The following LMF1 variants were observed in gnomAD, a reference collection of about 807,000 sequenced individuals.
The protein encoded by LMF1 is transmembrane protein 112.
Under a neutral mutation model 60.6 loss-of-function variants are expected in LMF1, and 68 were observed. The observed-to-expected ratio is 1.12, with a 90% confidence interval of 0.92 to 1.37. The LOEUF (loss-of-function observed/expected upper bound fraction) is 1.37, where lower values mean the gene tolerates loss of function less well. LMF1 is among the 40% of genes most tolerant of loss of function. The pLI, the probability that LMF1 is intolerant of heterozygous loss-of-function variation, is 0.00. For synonymous variants in LMF1, 418 were observed against 324.7 expected, an observed-to-expected ratio of 1.29 and a Z score of -3.09; for missense variants, 948 against 767.2, an observed-to-expected ratio of 1.24 and a Z score of -2.78.
chr16:884,331 CA>C (rs1241904283), intron 5 of LMF1, among the ~76,000 whole-genome samples: 2 of 152,070 alleles, frequency 1.3e-5, no homozygotes, highest in African/African-American at 4.8e-5. Context: ...ATCTTACATG[CA>C]AATAAAGATG....
intron 2 of LMF1, among the ~76,000 whole-genome samples, chr16:954,066 C>CCACACCAGCGTCCT: frequency 6.6e-6 from 1 of 151,930 alleles, no homozygotes; most frequent in Non-Finnish European, 1.5e-5. Flanking sequence ...GACACAGACC[C>CCACACCAGCGTCCT]ACTGCTTCTG....
rs550932262 is a variant in LMF1 at position 862,061 on chromosome 16, C to T, written c.1529+6883G>A. ...GTGAGTTATCTTCGGTAGCTGGTAA[C>T]GTGTGGATCTCATCGACTGATTCTC... On this transcript the variant is annotated intron_variant, in intron 10 of 10. Coordinates refer to ENST00000262301, the MANE Select transcript of LMF1 (RefSeq NM_022773.4). Among the ~76,000 whole-genome samples, 10 of 152,286 alleles carry T rather than the reference C, an allele frequency of 6.6e-5. No homozygotes were observed. In the South Asian group the frequency reaches 1.2e-3, roughly 19 times the overall value.
intron 6 of LMF1, among the ~76,000 whole-genome samples, chr16:877,083 G>GCACTT (rs202181010): frequency 0.012 from 1,830 of 152,266 alleles, 37 homozygotes; most frequent in African/African-American, 0.042. Context: ...TGCAGTCACG[G>GCACTT]CACTTTAGGA....
rs1409662274 is a variant in LMF1 at position 934,241 on chromosome 16, T to C, written c.514+3A>G. ...GAGCTTTCTCTAAATGCATCTCACT[T>C]ACCGAAAGAGTACCTGAAAAACAAA... On this transcript the variant is annotated splice_donor_region_variant and intron_variant, in intron 3 of 10. Transcript: ENST00000262301. 1.3e-6 allele frequency: 2 copies of C among 1,599,274 alleles called. No homozygotes were observed. The highest frequency in any genetic ancestry group is 1.7e-6 in the Non-Finnish European group (2 of 1,179,792).
chr16:965,134 G>T (rs2072898623), intron 1 of LMF1, among the ~76,000 whole-genome samples: 1 of 152,252 alleles, frequency 6.6e-6, no homozygotes, highest in African/African-American at 2.4e-5. Flanking sequence ...CTGCAGTCCA[G>T]GCTGTCCCCG....
intron 3 of LMF1, among the ~76,000 whole-genome samples, chr16:927,751 T>C (rs952519604): frequency 3.9e-5 from 6 of 152,200 alleles, no homozygotes; most frequent in East Asian, 3.9e-4. Context: ...AAACTTCCAG[T>C]TGGGCCAGTG....
chr16:859,202 T>C (rs1278948809), intron 10 of LMF1, among the ~76,000 whole-genome samples: 1 of 81,138 alleles, frequency 1.2e-5, no homozygotes, highest in Admixed American at 1.3e-4. Context: ...CGGGTGTGAG[T>C]GGTGTCTCGG....
chr16:938,979 T>C lies in LMF1; in HGVS notation c.504-4725A>G, dbSNP rs139511738. 3.9e-5 allele frequency among the ~76,000 whole-genome samples: 6 copies of C among 152,206 alleles called. No homozygotes were observed. In the East Asian group the frequency reaches 1.2e-3, roughly 29 times the overall value. Reference sequence around the variant, plus strand: ...CTGTGCAGAAAGCAAAGTCCGTGCATACAGAATGGGATGCGGCCAAGGGGT... The same window carrying C: ...CTGTGCAGAAAGCAAAGTCCGTGCACACAGAATGGGATGCGGCCAAGGGGT... On this transcript the variant is annotated intron_variant, in intron 2 of 10. Transcript: ENST00000262301.
intron 1 of LMF1, among the ~76,000 whole-genome samples, chr16:959,877 T>A (rs566818323): frequency 1.3e-5 from 2 of 152,212 alleles, no homozygotes; most frequent in African/African-American, 2.4e-5. Context: ...GAATACACCA[T>A]GTTCCAGGAC....
chr16:914,352 C>T (rs1009990495), intron 3 of LMF1, among the ~76,000 whole-genome samples: 6 of 152,102 alleles, frequency 3.9e-5, no homozygotes, highest in African/African-American at 9.7e-5. Flanking sequence ...GGCCAAGACC[C>T]GGGGAGGCTC....
intron 3 of LMF1, among the ~76,000 whole-genome samples, chr16:917,518 G>C (rs2071315491): frequency 6.6e-6 from 1 of 150,830 alleles, no homozygotes; most frequent in Admixed American, 6.6e-5. Flanking sequence ...TGCCACACGT[G>C]TGCGCTGTGG....
rs769532338 is a variant in LMF1 at position 893,071 on chromosome 16, C to G, written c.665G>C (p.Gly222Ala). 1.3e-5 allele frequency: 20 copies of G among 1,553,840 alleles called. No individual in the cohort carries two copies. Among genetic ancestry groups the G allele is most frequent in the Non-Finnish European group, 1.4e-5 (16 of 1,148,946 alleles). ...CCGGTCCCCCCGGATCTTGATCAGGCCCTGCAAGGAAGAGAGCAGAGGGAG... is the reference window on the plus strand; with the variant it reads ...CCGGTCCCCCCGGATCTTGATCAGGGCCTGCAAGGAAGAGAGCAGAGGGAG... ...WLIFRIMLGA[G>A]LIKIRGDRCW... Residue 222 changes from glycine (G) to alanine (A), a missense_variant and splice_region_variant, in exon 5 of 11, where the codon GGC becomes GCC. Gly to Ala is a moderately conservative substitution (Grantham distance 60, BLOSUM62 0). Coordinates refer to ENST00000262301, the MANE Select transcript of LMF1 (RefSeq NM_022773.4).
chr16:856,856 G>A (rs1394954063), intron 10 of LMF1, among the ~76,000 whole-genome samples: 1 of 152,252 alleles, frequency 6.6e-6, no homozygotes, highest in East Asian at 1.9e-4. Flanking sequence ...ACTGGCAACA[G>A]CTGGGCATCT....
intron 4 of LMF1, among the ~76,000 whole-genome samples, chr16:894,674 T>G (rs990271603): frequency 1.3e-5 from 2 of 152,156 alleles, no homozygotes; most frequent in African/African-American, 4.8e-5. Flanking sequence ...TGTAGCATGG[T>G]GGGCTCTGGG....
chr16:902,421 C>A (rs979063647), intron 4 of LMF1: 2 of 153,262 alleles, frequency 1.3e-5, no homozygotes, highest in African/African-American at 4.8e-5. Context: ...CTGGAGCCCA[C>A]GAGAGGATGC....
chr16:938,942 A>C (rs2072019755), intron 2 of LMF1, among the ~76,000 whole-genome samples: 1 of 152,262 alleles, frequency 6.6e-6, no homozygotes, highest in Non-Finnish European at 1.5e-5. Flanking sequence ...CAGACTGGAC[A>C]CAAGAGGAAA....
chr16:957,032 C>T (rs754407724), intron 1 of LMF1, among the ~76,000 whole-genome samples: 4 of 151,944 alleles, frequency 2.6e-5, no homozygotes, highest in South Asian at 4.2e-4. Context: ...TGGTGCACCC[C>T]GGTAGTCCCA....
In LMF1 at chr16:934,420, C is replaced by T. The variant is rs563076112; in HGVS notation, c.504-166G>A. On this transcript the variant is annotated intron_variant, in intron 2 of 10. Coordinates refer to ENST00000262301, the MANE Select transcript of LMF1 (RefSeq NM_022773.4). The stretch of plus-strand genomic sequence containing the variant: ...CTGGGCATTAGGGGAACAGGAGCCC[C>T]TCCCCACGGCTCACACACAGGCAGG... 1.4e-4 allele frequency: 102 copies of T among 746,638 alleles called. No individual in the cohort carries two copies. The African/African-American group carries it at 1.7e-3, about 13-fold the overall frequency. 46.3% of individuals were successfully genotyped at this position (746,638 alleles called of 1,614,324 possible).
At chr16:949,786 A>G (rs2072388849) in intron 2 of LMF1, among the ~76,000 whole-genome samples, 1 of 112,686 alleles carries the variant, frequency 8.9e-6, no homozygotes, top group Non-Finnish European at 1.7e-5. Context: ...CCAATGACAG[A>G]GTCAGAGCCA....
Sources: allele counts gnomAD v4.1 joint callset (sites outside exome capture counted in the v4.1 genomes callset), GRCh38; gene constraint gnomAD v4.1.1; transcripts MANE v1.5; gene names NCBI Gene and HGNC (gene_info 2026-07-23, HGNC 2026-07-21).